CEP70: variants seen among roughly 807,000 people sequenced by gnomAD.
CEP70 encodes the protein centrosomal protein 70.
A neutral mutation model predicts 90.9 loss-of-function variants in CEP70; 70 were observed. The observed-to-expected ratio is 0.77, with a 90% confidence interval of 0.64 to 0.94. The LOEUF is 0.94. Among genes scored for constraint, CEP70 ranks in the 40% least tolerant of loss-of-function variants. CEP70 has a pLI of 0.00. For synonymous variants in CEP70, 220 were observed against 228.3 expected (o/e 0.96, Z 0.33); for missense variants, 648 against 669.0 (o/e 0.97, Z 0.35).
chr3:138,560,694 C>T (rs554998351), intron 6 of CEP70, among the ~76,000 whole-genome samples: 43 of 152,128 alleles, frequency 2.8e-4, no homozygotes, highest in African/African-American at 8.2e-4. Context: ...GGGTGAGGGG[C>T]GTCCACCACT....
chr3:138,502,539 GAA>G (rs35132741), intron 13 of CEP70, among the ~76,000 whole-genome samples: 50 of 141,126 alleles, frequency 3.5e-4, no homozygotes, highest in African/African-American at 1.2e-3. Context: ...ACTAGAATTT[GAA>G]AAAAAAAAAA....
At chr3:138,569,684 A>G (rs1055762707) in intron 6 of CEP70, among the ~76,000 whole-genome samples, 7 of 152,162 alleles carry the variant, frequency 4.6e-5, no homozygotes, top group Non-Finnish European at 1.0e-4. Context: ...CCTAGGTAAC[A>G]TGGCAAAAGC....
intron 6 of CEP70, among the ~76,000 whole-genome samples, chr3:138,551,313 G>A (rs1082037): frequency 0.41 from 61,846 of 152,054 alleles, 13,148 homozygotes; most frequent in Non-Finnish European, 0.45. Flanking sequence ...AACAAATGCT[G>A]AGAGAATTCA....
intron 6 of CEP70, among the ~76,000 whole-genome samples, chr3:138,538,815 C>A (rs527772403): frequency 3.9e-5 from 6 of 152,186 alleles, no homozygotes; most frequent in African/African-American, 1.4e-4. Flanking sequence ...TACACATCTA[C>A]TAAAGTTTTT....
At chr3:138,496,140 T>TCTC in intron 17 of CEP70, 1 of 985,454 alleles carries the variant, frequency 1.0e-6, no homozygotes, top group Non-Finnish European at 1.2e-6. Flanking sequence ...AATGGCAGGT[T>TCTC]CTCTAGATAC....
chr3:138,573,113 G>A, intron 2 of CEP70, 181 bp from the exon 3 acceptor site: 2 of 584,598 alleles, frequency 3.4e-6, no homozygotes. Context: ...ATAGCTGATT[G>A]TAAGACTCAT....
chr3:138,535,700 T>C (rs539783703), intron 7 of CEP70, among the ~76,000 whole-genome samples: 1 of 152,310 alleles, frequency 6.6e-6, no homozygotes, highest in East Asian at 1.9e-4. Context: ...CCTGACTTCA[T>C]CTGGTACATT....
intron 11 of CEP70, among the ~76,000 whole-genome samples, chr3:138,523,219 A>G (rs980001060): frequency 3.9e-5 from 6 of 152,182 alleles, no homozygotes; most frequent in Non-Finnish European, 5.9e-5. Flanking sequence ...TTGATGGGAC[A>G]TATCTCAAAA....
intron 14 of CEP70, 24 bp from the exon 15 acceptor site, chr3:138,500,591 GA>G: frequency 6.4e-7 from 1 of 1,562,990 alleles, no homozygotes; most frequent in Non-Finnish European, 8.6e-7. Flanking sequence ...AGGTAAAAAA[GA>G]AAGAGTTCAT....
chr3:138,576,903 A>T lies in CEP70; in HGVS notation c.-5-3971T>A, dbSNP rs572042899. Among the ~76,000 whole-genome samples the T allele has an allele frequency of 2.0e-5, 3 of 152,318 alleles. No individual in the cohort carries two copies. The East Asian group carries it at 5.8e-4, about 29-fold the overall frequency. On this transcript the variant is annotated intron_variant, in intron 2 of 17. Transcript: ENST00000264982. ...GAAATAAAGATGTTCTTTGAAACCA[A>T]TGAGAACAAAGACACAACATACCAG...
intron 2 of CEP70, among the ~76,000 whole-genome samples, chr3:138,583,375 C>T (rs1019020456): frequency 1.3e-5 from 2 of 152,090 alleles, no homozygotes; most frequent in Admixed American, 6.6e-5. Flanking sequence ...ACTTCAACAC[C>T]ACCCTTTCAT....
At position 138,532,521 on chromosome 3, in the gene CEP70, T is replaced by C. The variant is rs759931236; in HGVS notation, c.685A>G (p.Thr229Ala). 2 of 1,509,434 alleles carry C rather than the reference T, an allele frequency of 1.3e-6. No homozygotes were observed. The highest frequency in any genetic ancestry group is 8.9e-7 in the Non-Finnish European group (1 of 1,127,580). The allele number at this position is 1,509,434 out of a possible 1,614,324, so 93.5% of individuals were successfully genotyped here. A position where few individuals can be genotyped will look rare whatever the true frequency, so the allele number is the denominator to read the frequency against. ...YYESKIRKIHTQRQYKEDESQ... is the reference protein window; with the variant it reads ...YYESKIRKIHAQRQYKEDESQ... ...ATACAGGATTACTCGTACCTTTGTG[T>C]ATGAATTTTTCTAATTTTAGATTCA... Residue 229 changes from threonine (T) to alanine (A), a missense_variant, in exon 8 of 18, where the codon ACA (threonine) becomes GCA (alanine). Physicochemically the swap from Thr to Ala is moderately conservative, Grantham distance 58. Coordinates refer to ENST00000264982, the MANE Select transcript of CEP70 (RefSeq NM_024491.4).
In CEP70 at chr3:138,529,064, G is replaced by A. The variant is rs1231974965; in HGVS notation, c.869+135C>T. Reference sequence around the variant, plus strand: ...ACCTATAGCCCCAGCTACTTAAGAGGCTGAAGTGGAAAGATTGCTTGAGCC... The same window carrying A: ...ACCTATAGCCCCAGCTACTTAAGAGACTGAAGTGGAAAGATTGCTTGAGCC... On this transcript the variant is annotated intron_variant, in intron 10 of 17. Coordinates refer to ENST00000264982, the MANE Select transcript of CEP70 (RefSeq NM_024491.4). 3 of 581,692 alleles carry A rather than the reference G, an allele frequency of 5.2e-6. No individual in the cohort carries two copies. The African/African-American group carries it at 5.7e-5, about 11-fold the overall frequency. The allele number at this position is 581,692 out of a possible 1,614,324, so 36.0% of individuals were successfully genotyped here.
chr3:138,582,931 GAAAGAAGGAAAAAAGAAGAGA>G (rs1471894076), intron 2 of CEP70, among the ~76,000 whole-genome samples: 3 of 151,676 alleles, frequency 2.0e-5, no homozygotes, highest in Non-Finnish European at 2.9e-5. Flanking sequence ...AAAAAGATAG[GAAAGAAGGAAAAAAGAAGAGA>G]AGACCACAAA....
chr3:138,529,235 C>G lies in CEP70; in HGVS notation c.833G>C (p.Ser278Thr). The G allele has an allele frequency of 6.2e-7, 1 of 1,608,692 alleles. No homozygotes were observed. The change falls in exon 10 of 18, where the codon AGT (serine) becomes ACT (threonine). Residue 278 changes from serine (S) to threonine (T), a missense_variant. By Grantham distance (58) the Ser-to-Thr change is moderately conservative. Transcript: ENST00000264982. Reference protein sequence around the residue: ...ESKSKIDALSSEKLNLQKDLE... With the variant: ...ESKSKIDALSTEKLNLQKDLE... Reference sequence around the variant, plus strand: ...ATCTTTTTGGAGGTTCAGCTTTTCACTTGAAAGTGCATCAATCTTAGATTT... The same window carrying G: ...ATCTTTTTGGAGGTTCAGCTTTTCAGTTGAAAGTGCATCAATCTTAGATTT...
chr3:138,572,861 G>GA lies in CEP70; in HGVS notation c.66_67insT (p.Gln23SerfsTer37), dbSNP rs1018568406. ...GTCTTAAAATATTTTAAGTTTACCT[G>GA]TTTTTCAGTCATGAGTCTGTCTGAT... is the stretch of plus-strand genomic sequence containing the variant. On this transcript the variant is annotated frameshift_variant, in exon 3 of 18. Coordinates refer to ENST00000264982, the MANE Select transcript of CEP70 (RefSeq NM_024491.4). LOFTEE classifies it high-confidence loss of function. 6.2e-5 allele frequency: 99 copies of GA among 1,588,148 alleles called. No individual in the cohort carries two copies. Among genetic ancestry groups the GA allele is most frequent in the Non-Finnish European group, 8.2e-5 (95 of 1,157,264 alleles).
intron 13 of CEP70, among the ~76,000 whole-genome samples, chr3:138,501,528 G>A (rs76687726): frequency 6.6e-6 from 1 of 152,182 alleles, no homozygotes; most frequent in Non-Finnish European, 1.5e-5. Context: ...TTTGCATAAA[G>A]GGAATTATAC....
intron 6 of CEP70, among the ~76,000 whole-genome samples, chr3:138,549,328 C>T (rs1056925833): frequency 1.3e-5 from 2 of 151,846 alleles, no homozygotes; most frequent in African/African-American, 4.8e-5. Flanking sequence ...TGCTCACTCA[C>T]TGCCTGGAAA....
At chr3:138,497,290 C>A in intron 17 of CEP70, 1 of 1,267,790 alleles carries the variant, frequency 7.9e-7, no homozygotes, top group Non-Finnish European at 1.0e-6. Context: ...TATTTTCATA[C>A]CAAGCTTCAT....
Sources: allele counts gnomAD v4.1 joint callset (sites outside exome capture counted in the v4.1 genomes callset), GRCh38; gene constraint gnomAD v4.1.1; transcripts MANE v1.5; gene names NCBI Gene and HGNC (gene_info 2026-07-23, HGNC 2026-07-21).